The following PLD5 variants were observed in gnomAD, a reference collection of about 807,000 sequenced individuals.
PLD5 encodes the protein phospholipase D family member 5.
PLD5 carries 36 observed loss-of-function variants against 61.1 expected under a neutral mutation model. That is an observed-to-expected ratio of 0.59 (90% CI 0.45 to 0.78). PLD5 has a LOEUF of 0.78. PLD5 is among the 30% of genes least tolerant of loss of function. The pLI is 0.00. For missense variants in PLD5, 515 were observed against 644.4 expected, an observed-to-expected ratio of 0.80 and a Z score of 2.17; for synonymous variants, 243 against 242.8, an observed-to-expected ratio of 1.00 and a Z score of -0.01.
At chr1:242,442,909 G>T (rs1027304373) in intron 1 of PLD5, among the ~76,000 whole-genome samples, 1 of 152,188 alleles carries the variant, frequency 6.6e-6, no homozygotes, top group Non-Finnish European at 1.5e-5. Context: ...ATCCATCAGT[G>T]ATTTTAAACT....
chr1:242,364,455 A>T (rs534978789), intron 1 of PLD5, among the ~76,000 whole-genome samples: 9 of 152,294 alleles, frequency 5.9e-5, no homozygotes, highest in Admixed American at 5.9e-4. Context: ...AGTGGCTCAC[A>T]TCTGTAATCC....
At chr1:242,362,674 T>C (rs1319969935) in intron 1 of PLD5, among the ~76,000 whole-genome samples, 4 of 152,132 alleles carry the variant, frequency 2.6e-5, no homozygotes, top group Non-Finnish European at 4.4e-5. Flanking sequence ...TCTGGAATCA[T>C]ATCAGAAACT....
intron 1 of PLD5, among the ~76,000 whole-genome samples, chr1:242,415,287 T>C (rs73132400): frequency 6.6e-6 from 1 of 152,034 alleles, no homozygotes; most frequent in Non-Finnish European, 1.5e-5. Context: ...TAGAAAGATA[T>C]ATCTGAAAAG....
chr1:242,493,135 A>G (rs1384827559), intron 1 of PLD5, among the ~76,000 whole-genome samples: 2 of 152,100 alleles, frequency 1.3e-5, no homozygotes, highest in South Asian at 4.1e-4. Flanking sequence ...ATCTCACAAA[A>G]CCATAAAAGT....
At chr1:242,205,417 G>A (rs879502912) in intron 5 of PLD5, among the ~76,000 whole-genome samples, 1 of 152,142 alleles carries the variant, frequency 6.6e-6, no homozygotes, top group Non-Finnish European at 1.5e-5. Flanking sequence ...GCATGATTTT[G>A]TTATTCAAAA....
chr1:242,156,794 T>C (rs1665408013), intron 5 of PLD5, among the ~76,000 whole-genome samples: 1 of 152,204 alleles, frequency 6.6e-6, no homozygotes. Context: ...ATTTTTTACT[T>C]CACTTCAACC....
intron 1 of PLD5, among the ~76,000 whole-genome samples, chr1:242,362,864 T>G (rs552307181): frequency 1.3e-5 from 2 of 152,260 alleles, no homozygotes; most frequent in African/African-American, 4.8e-5. Context: ...CTGTACATAT[T>G]GGTAACCTGC....
intron 2 of PLD5, among the ~76,000 whole-genome samples, chr1:242,338,239 CTCTT>C (rs1422991226): frequency 6.6e-6 from 1 of 152,112 alleles, no homozygotes; most frequent in Non-Finnish European, 1.5e-5. Context: ...CTCCAGTTTT[CTCTT>C]TATTTTTCTT....
At chr1:242,187,296 C>T (rs918657920) in intron 5 of PLD5, among the ~76,000 whole-genome samples, 2 of 152,202 alleles carry the variant, frequency 1.3e-5, no homozygotes, top group Admixed American at 6.5e-5. Flanking sequence ...TTTCAGCCCC[C>T]TTTTGACCAT....
chr1:242,133,005 C>T (rs1003774505), intron 5 of PLD5, among the ~76,000 whole-genome samples: 6 of 149,124 alleles, frequency 4.0e-5, no homozygotes, highest in African/African-American at 1.5e-4. Context: ...TGCAGCCACC[C>T]CTCCCACTCC....
rs75783301 is a variant in PLD5, at chr1:242,108,867, G to C, written c.1071-1028C>G. ...TTAATTGCTTTTTCATCACATGCAG[G>C]CTGCAGATTCATGATGCCTTCAATC... is the stretch of plus-strand genomic sequence containing the variant. On this transcript the variant is annotated intron_variant, in intron 7 of 9. Transcript: ENST00000536534. Among the ~76,000 whole-genome samples, 588 of 152,202 alleles carry C rather than the reference G, an allele frequency of 3.9e-3. 3 individuals are homozygous for C. The highest frequency in any genetic ancestry group is 0.014 in the African/African-American group (568 of 41,522).
In PLD5 at chr1:242,256,695, T is replaced by C. The variant is rs1673038366; in HGVS notation, c.607+8642A>G. On this transcript the variant is annotated intron_variant, in intron 4 of 9. Coordinates refer to ENST00000536534, the MANE Select transcript of PLD5 (RefSeq NM_001372062.1). The surrounding 1 kb of genome is among the most constrained non-coding windows in gnomAD (Gnocchi z 5.7). Reference sequence around the variant, plus strand: ...TGTGAAAAAATAAGTGGCTGTTCTTTATAAATTGCCCAGTCTCAGTTATTA... The same window carrying C: ...TGTGAAAAAATAAGTGGCTGTTCTTCATAAATTGCCCAGTCTCAGTTATTA... Among the ~76,000 whole-genome samples, 1 of 152,190 alleles carries C rather than the reference T, an allele frequency of 6.6e-6. No homozygotes were observed. Among genetic ancestry groups the C allele is most frequent in the African/African-American group, 2.4e-5 (1 of 41,456 alleles).
chr1:242,506,964 C>T lies in PLD5; in HGVS notation c.189+17124G>A, dbSNP rs536962260. ...ACGGTGATCACAGCGGGAGCCACCA[C>T]CACCGTCCTCAGTAGCAGCACGTGT... On this transcript the variant is annotated intron_variant, in intron 1 of 9. Coordinates refer to ENST00000536534, the MANE Select transcript of PLD5 (RefSeq NM_001372062.1). Among the ~76,000 whole-genome samples, 15 of 152,296 alleles carry T rather than the reference C, an allele frequency of 9.8e-5. 1 individual carries two copies. Among genetic ancestry groups the T allele is most frequent in the African/African-American group, 3.6e-4 (15 of 41,558 alleles).
rs112558681 is a variant in PLD5 at position 242,329,766 on chromosome 1, T to A, written c.326+18340A>T. Reference sequence around the variant, plus strand: ...GAGTAAGTTCTCTAGGTGATTGCAATGTGCTCCCAAACTTGGTACATTAGA... The same window carrying A: ...GAGTAAGTTCTCTAGGTGATTGCAAAGTGCTCCCAAACTTGGTACATTAGA... On this transcript the variant is annotated intron_variant, in intron 2 of 9. Transcript: ENST00000536534. 8.9e-3 allele frequency among the ~76,000 whole-genome samples: 1,357 copies of A among 152,310 alleles called. 14 individuals carry two copies. The highest frequency in any genetic ancestry group is 0.017 in the African/African-American group (719 of 41,578).
chr1:242,425,829 G>C (rs1367169522), intron 1 of PLD5, among the ~76,000 whole-genome samples: 1 of 151,810 alleles, frequency 6.6e-6, no homozygotes, highest in Non-Finnish European at 1.5e-5. Flanking sequence ...ATTTTTAGTA[G>C]AGATGGGGTT....
At chr1:242,331,047 C>T (rs193268958) in intron 2 of PLD5, among the ~76,000 whole-genome samples, 38 of 152,256 alleles carry the variant, frequency 2.5e-4, no homozygotes, top group African/African-American at 7.0e-4. Flanking sequence ...AACACTCACT[C>T]GGTGTGGGGT....
At chr1:242,272,685 T>C (rs1472937531) in intron 3 of PLD5, among the ~76,000 whole-genome samples, 1 of 152,152 alleles carries the variant, frequency 6.6e-6, no homozygotes, top group Admixed American at 6.5e-5. Flanking sequence ...GTATGCCTTC[T>C]CTAGAAAGCT....
chr1:242,177,639 C>T (rs1667248896), intron 5 of PLD5: 1 of 152,110 alleles, frequency 6.6e-6, no homozygotes, highest in Non-Finnish European at 1.5e-5. Context: ...AGCAGGTCAA[C>T]CTAATTGTTT....
At chr1:242,448,958 C>T (rs957363803) in intron 1 of PLD5, among the ~76,000 whole-genome samples, 5 of 152,122 alleles carry the variant, frequency 3.3e-5, no homozygotes, top group East Asian at 1.9e-4. Context: ...GGATTTTTAC[C>T]GCCACACAAA....
Sources: allele counts gnomAD v4.1 joint callset (sites outside exome capture counted in the v4.1 genomes callset), GRCh38; gene constraint gnomAD v4.1.1; non-coding constraint Gnocchi (gnomAD v3.1); transcripts MANE v1.5; gene names NCBI Gene and HGNC (gene_info 2026-07-23, HGNC 2026-07-21).